Variants in RTL4 observed in about 807,000 individuals in gnomAD.
RTL4 encodes retrotransposon Gag-like protein 4.
Under a neutral mutation model 5.3 loss-of-function variants are expected in RTL4, and 4 were observed. That is an observed-to-expected ratio of 0.75 (90% CI 0.37 to 1.72). The LOEUF (loss-of-function observed/expected upper bound fraction) is 1.72. Among genes scored for constraint, RTL4 ranks in the 40% most tolerant of loss-of-function variants. The pLI is 0.04. For synonymous variants in RTL4, 98 were observed against 87.3 expected, an observed-to-expected ratio of 1.12 and a Z score of -0.68; for missense variants, 260 against 227.1, an observed-to-expected ratio of 1.14 and a Z score of -0.93.
chrX:112,402,797 T>C, the RTL4 span, among the ~76,000 whole-genome samples: 1 of 111,069 alleles, frequency 9.0e-6, no homozygotes. Context: ...AACTATGTCA[T>C]GGTACCTCTA....
chrX:112,126,288 G>A, the RTL4 span, among the ~76,000 whole-genome samples: 20 of 112,278 alleles, frequency 1.8e-4, no homozygotes, highest in Non-Finnish European at 3.4e-4. Flanking sequence ...GTAATTTAAA[G>A]TAGTACCTTA....
At chrX:112,372,541 G>A in the RTL4 span, among the ~76,000 whole-genome samples, 2 of 111,079 alleles carry the variant, frequency 1.8e-5, no homozygotes, top group South Asian at 3.8e-4. Flanking sequence ...GAGGAAGGAC[G>A]TGTTGCCCCT....
the RTL4 span, among the ~76,000 whole-genome samples, chrX:112,085,667 G>A: frequency 4.8e-4 from 54 of 111,635 alleles, no homozygotes; most frequent in African/African-American, 1.4e-3. Context: ...CCAAAAATGC[G>A]TCCAGGCATG....
the RTL4 span, among the ~76,000 whole-genome samples, chrX:112,255,543 T>C: frequency 9.0e-6 from 1 of 111,672 alleles, no homozygotes; most frequent in African/African-American, 3.3e-5. Flanking sequence ...ATTACTATTA[T>C]GTATGCAATG....
chrX:112,391,048 T>G, the RTL4 span, among the ~76,000 whole-genome samples: 1 of 112,395 alleles, frequency 8.9e-6, no homozygotes, highest in Non-Finnish European at 1.9e-5. Context: ...TCTGACTGTA[T>G]TATTTCAGAA....
chrX:112,269,998 G>C, the RTL4 span, among the ~76,000 whole-genome samples: 6 of 112,311 alleles, frequency 5.3e-5, no homozygotes, highest in Non-Finnish European at 1.1e-4. Flanking sequence ...AGGATAATTA[G>C]AATAGGTAGT....
chrX:112,452,261 T>G (rs1004994867), upstream of RTL4, among the ~76,000 whole-genome samples: 70 of 97,096 alleles, frequency 7.2e-4, no homozygotes, highest in African/African-American at 2.5e-3. Context: ...CAGCTAATTT[T>G]TTTTTTTTTT....
the RTL4 span, among the ~76,000 whole-genome samples, chrX:112,393,274 C>G: frequency 4.7e-5 from 5 of 106,612 alleles, no homozygotes; most frequent in Non-Finnish European, 7.7e-5. Context: ...CCCGGGTTCA[C>G]GCGATTCTCC....
At chrX:112,363,251 C>A in the RTL4 span, among the ~76,000 whole-genome samples, 1 of 111,260 alleles carries the variant, frequency 9.0e-6, no homozygotes, top group Non-Finnish European at 1.9e-5. Context: ...CAGCAAGTTT[C>A]TGTGACCCTT....
chrX:112,339,515 A>C, the RTL4 span, among the ~76,000 whole-genome samples: 3 of 112,119 alleles, frequency 2.7e-5, no homozygotes, highest in Admixed American at 2.9e-4. Context: ...ATAAAGAACA[A>C]ATGAGAAAGG....
the RTL4 span, chrX:112,320,268 G>GAGTTTTACT: frequency 2.7e-5 from 3 of 111,852 alleles, no homozygotes; most frequent in African/African-American, 9.8e-5. Context: ...TTGCATTCTT[G>GAGTTTTACT]AGTTTTACTC....
At chrX:112,351,161 A>G in the RTL4 span, among the ~76,000 whole-genome samples, 3 of 110,789 alleles carry the variant, frequency 2.7e-5, no homozygotes, top group African/African-American at 6.6e-5. Flanking sequence ...TTCAGTTTCC[A>G]TGTAGTTGAG....
chrX:112,358,129 G>T, the RTL4 span, among the ~76,000 whole-genome samples: 1 of 108,898 alleles, frequency 9.2e-6, no homozygotes, highest in Non-Finnish European at 1.9e-5. Flanking sequence ...TTTATTTTTA[G>T]GCAGGGTCTC....
chrX:112,348,657 C>T, the RTL4 span, among the ~76,000 whole-genome samples: 1 of 110,781 alleles, frequency 9.0e-6, no homozygotes, highest in Non-Finnish European at 1.9e-5. Flanking sequence ...AAAGACTGCA[C>T]GTTCCTTAAA....
At chrX:112,297,646 C>T in the RTL4 span, among the ~76,000 whole-genome samples, 1 of 111,450 alleles carries the variant, frequency 9.0e-6, no homozygotes, top group African/African-American at 3.3e-5. Flanking sequence ...AAAGCCAAAC[C>T]ATATCAAATG....
the RTL4 span, among the ~76,000 whole-genome samples, chrX:112,246,619 T>C: frequency 9.0e-6 from 1 of 111,547 alleles, no homozygotes; most frequent in Non-Finnish European, 1.9e-5. Flanking sequence ...CCAGGTACAG[T>C]CTTTCACGGC....
the RTL4 span, among the ~76,000 whole-genome samples, chrX:112,187,284 G>A: frequency 2.7e-5 from 3 of 111,795 alleles, no homozygotes; most frequent in Non-Finnish European, 3.8e-5. Flanking sequence ...TTCCTTCTGC[G>A]GCCTTGAGTG....
chrX:112,224,466 T>C, the RTL4 span, among the ~76,000 whole-genome samples: 6 of 109,268 alleles, frequency 5.5e-5, no homozygotes, highest in African/African-American at 2.0e-4. Context: ...CTCAGCCTCC[T>C]GGGTAGCTGG....
chrX:112,327,207 C>A, the RTL4 span, among the ~76,000 whole-genome samples: 7 of 111,685 alleles, frequency 6.3e-5, no homozygotes, highest in African/African-American at 2.3e-4. Flanking sequence ...CAAATCACTC[C>A]GAGCTATGGG....
Sources: allele counts gnomAD v4.1 joint callset (sites outside exome capture counted in the v4.1 genomes callset), GRCh38; gene constraint gnomAD v4.1.1; transcripts MANE v1.5; gene names NCBI Gene and HGNC (gene_info 2026-07-23, HGNC 2026-07-21).